Variants in SYT14 observed in about 807,000 individuals in gnomAD.
The protein encoded by SYT14 is synaptotagmin 14.
In SYT14, 32 loss-of-function variants were observed where a neutral mutation model predicts 74.2. The ratio of observed to expected loss-of-function variants is 0.43; its 90% CI spans 0.33 to 0.58. The LOEUF is 0.58. Among genes scored for constraint, SYT14 ranks in the 20% least tolerant of loss-of-function variants. SYT14 has a pLI of 0.05. For missense variants in SYT14, 791 were observed against 981.8 expected (o/e 0.81, Z 2.60); for synonymous variants, 298 against 337.7 (o/e 0.88, Z 1.29).
rs150500425 is a variant in SYT14 at position 210,008,757 on chromosome 1, G to T, written c.-485-4876G>T. Among the ~76,000 whole-genome samples the T allele has an allele frequency of 4.8e-3, 724 of 152,252 alleles. 4 individuals are homozygous for T. The highest frequency in any genetic ancestry group is 0.014 in the African/African-American group (566 of 41,538). On this transcript the variant is annotated intron_variant, in intron 2 of 9. Coordinates refer to ENST00000637265, the Ensembl canonical transcript of SYT14. ...GGTGGCCTAGAATGCTTGAAAGAAG[G>T]TATAGGTATAGATAAATTACATTAT...
At chr1:210,008,473 C>A (rs888436605) in intron 2 of SYT14, among the ~76,000 whole-genome samples, 5 of 152,162 alleles carry the variant, frequency 3.3e-5, no homozygotes, top group African/African-American at 1.2e-4. Flanking sequence ...AGGCAATTCT[C>A]CTGCCTCAGC....
At chr1:210,100,204 G>A in exon 7 of SYT14, 1 of 1,614,032 alleles carries the variant, frequency 6.2e-7, no homozygotes, top group Non-Finnish European at 8.5e-7. Context: ...AGTACACCTT[G>A]TTCTTCTACC....
Position 210,133,491 on chromosome 1 carries a change from A to G in SYT14, c.2035-22230A>G, listed in dbSNP as rs2082718752. Among the ~76,000 whole-genome samples, 3 of 152,254 alleles carry G rather than the reference A, an allele frequency of 2.0e-5. No individual in the cohort carries two copies. In the South Asian group the frequency reaches 6.2e-4, roughly 32 times the overall value. ...TTTATTTCATTTGATAGCAGAGGACACCAGTAAATGCTTAAATCTGATTGA... is the reference window on the plus strand; with the variant it reads ...TTTATTTCATTTGATAGCAGAGGACGCCAGTAAATGCTTAAATCTGATTGA... On this transcript the variant is annotated intron_variant, in intron 7 of 9. Transcript: ENST00000637265.
At chr1:210,068,314 CTT>C (rs2081333273) in intron 5 of SYT14, among the ~76,000 whole-genome samples, 1 of 151,732 alleles carries the variant, frequency 6.6e-6, no homozygotes, top group South Asian at 2.1e-4. Context: ...TTGATTACCT[CTT>C]GTGTTCCCTT....
chr1:209,986,057 A>G lies in SYT14; in HGVS notation c.-485-27576A>G, dbSNP rs78544682. 1.0e-2 allele frequency among the ~76,000 whole-genome samples: 1,517 copies of G among 152,276 alleles called. 21 individuals carry two copies. Among genetic ancestry groups the G allele is most frequent in the African/African-American group, 0.034 (1,403 of 41,566 alleles). On this transcript the variant is annotated intron_variant, in intron 2 of 9. Transcript: ENST00000637265. ...AGACCTTTCTCCCATAGTATTGGGT[A>G]TTAGTACTTGGCTCCTTTTTAATTT...
In SYT14 at chr1:209,952,742, T is replaced by C. The variant is rs764547270; in HGVS notation, c.-500T>C. On this transcript the variant is annotated 5_prime_UTR_variant, in exon 2 of 10. Transcript: ENST00000637265. Reference sequence around the variant, plus strand: ...AGAACCTGTGGAGTACATGAACTTATCTGTATTAGAAAAGGTAAGTCATTG... The same window carrying C: ...AGAACCTGTGGAGTACATGAACTTACCTGTATTAGAAAAGGTAAGTCATTG... The C allele has an allele frequency of 1.2e-5, 19 of 1,610,534 alleles. No homozygotes were observed. The highest frequency in any genetic ancestry group is 2.2e-5 in the East Asian group (1 of 44,770).
chr1:210,000,169 T>A (rs2079868488), intron 2 of SYT14, among the ~76,000 whole-genome samples: 1 of 152,222 alleles, frequency 6.6e-6, no homozygotes, highest in Non-Finnish European at 1.5e-5. Flanking sequence ...ATATTTACTG[T>A]TATCTCCCTA....
At chr1:210,052,485 A>G (rs535376684) in intron 5 of SYT14, among the ~76,000 whole-genome samples, 14 of 152,008 alleles carry the variant, frequency 9.2e-5, no homozygotes, top group African/African-American at 3.1e-4. Context: ...CAGCGTGGTG[A>G]AACCCCGTCT....
intron 5 of SYT14, among the ~76,000 whole-genome samples, chr1:210,087,863 A>C (rs1572276439): frequency 6.6e-6 from 1 of 152,296 alleles, no homozygotes; most frequent in Admixed American, 6.5e-5. Context: ...CCATCAGTGC[A>C]GCCCTCTGCC....
At chr1:210,144,375 A>G (rs1376045799) in intron 7 of SYT14, among the ~76,000 whole-genome samples, 1 of 152,190 alleles carries the variant, frequency 6.6e-6, no homozygotes, top group Non-Finnish European at 1.5e-5. Flanking sequence ...TTAAGGAAGT[A>G]GACATAGTTA....
intron 1 of SYT14, among the ~76,000 whole-genome samples, chr1:209,939,032 T>TA (rs2078685528): frequency 6.6e-6 from 1 of 152,230 alleles, no homozygotes; most frequent in African/African-American, 2.4e-5. Flanking sequence ...AACAGCTTAA[T>TA]AAAAATTAAG....
At position 210,092,851 on chromosome 1, in the gene SYT14, C is replaced by T. The variant is rs528616951; in HGVS notation, c.1313-1471C>T. On this transcript the variant is annotated intron_variant, in intron 5 of 9. Coordinates refer to ENST00000637265, the Ensembl canonical transcript of SYT14. ...AAACATACAGACTTTTTCTTATTTC[C>T]CACACAATATAGTATTACAACATTT... 2.0e-5 allele frequency among the ~76,000 whole-genome samples: 3 copies of T among 152,172 alleles called. No individual in the cohort carries two copies. The East Asian group carries it at 5.8e-4, about 29-fold the overall frequency.
Position 210,158,758 on chromosome 1 carries a change from G to A in SYT14, c.2225-663G>A, listed in dbSNP as rs572572998. Among the ~76,000 whole-genome samples, 6 of 152,242 alleles carry A rather than the reference G, an allele frequency of 3.9e-5. No homozygotes were observed. The South Asian group carries it at 6.2e-4, about 16-fold the overall frequency. ...TAGGTGGGAGGTAACTAGAAAGTAAGTATAAGTCAATTTAATTTTATGAAA... is the reference window on the plus strand; with the variant it reads ...TAGGTGGGAGGTAACTAGAAAGTAAATATAAGTCAATTTAATTTTATGAAA... On this transcript the variant is annotated intron_variant, in intron 8 of 9. Coordinates refer to ENST00000637265, the Ensembl canonical transcript of SYT14.
intron 7 of SYT14, among the ~76,000 whole-genome samples, chr1:210,107,306 T>C (rs576261184): frequency 1.5e-4 from 23 of 152,252 alleles, no homozygotes; most frequent in African/African-American, 5.3e-4. Context: ...TGTAGATAGA[T>C]AGGGAATTAT....
exon 10 of SYT14, chr1:210,163,235 CTAACTAAT>C: frequency 2.3e-6 from 1 of 439,412 alleles, no homozygotes; most frequent in East Asian, 7.1e-5. Flanking sequence ...AGAAAAAGAC[CTAACTAAT>C]TGTTATTTGT....
At chr1:209,962,345 T>G (rs556690472) in intron 2 of SYT14, among the ~76,000 whole-genome samples, 6 of 151,954 alleles carry the variant, frequency 3.9e-5, no homozygotes, top group Non-Finnish European at 1.5e-5. Context: ...GACCAATAGA[T>G]TTTTGTAACT....
intron 4 of SYT14, among the ~76,000 whole-genome samples, chr1:210,018,202 C>T (rs1192579859): frequency 6.6e-5 from 10 of 152,180 alleles, no homozygotes; most frequent in African/African-American, 1.2e-4. Context: ...GGTGCAATCT[C>T]GGCTCACTGC....
At chr1:209,975,907 C>G (rs2079353479) in intron 2 of SYT14, among the ~76,000 whole-genome samples, 1 of 152,108 alleles carries the variant, frequency 6.6e-6, no homozygotes, top group Non-Finnish European at 1.5e-5. Flanking sequence ...TTCAGAGATT[C>G]AACTTTTTGC....
At chr1:210,053,341 G>A (rs1018154971) in intron 5 of SYT14, among the ~76,000 whole-genome samples, 1 of 152,170 alleles carries the variant, frequency 6.6e-6, no homozygotes, top group Admixed American at 6.5e-5. Flanking sequence ...GTGTGCTGAA[G>A]TAATAGTAGT....
Sources: gnomAD v4.1 joint callset for allele counts (sites outside exome capture counted in the v4.1 genomes callset) on GRCh38, gnomAD v4.1.1 for gene constraint, MANE v1.5 for transcripts, NCBI Gene and HGNC (gene_info 2026-07-23, HGNC 2026-07-21) for gene names.